The following GRHL2 variants were observed in gnomAD, a reference collection of about 807,000 sequenced individuals.
GRHL2 encodes the protein grainyhead-like protein 2 homolog.
In GRHL2, 21 loss-of-function variants were observed where a neutral mutation model predicts 83.8. The observed-to-expected ratio is 0.25, with a 90% CI of 0.18 to 0.36. GRHL2 has a LOEUF of 0.36. GRHL2 is among the 10% of genes least tolerant of loss of function. The pLI is 1.00. For missense variants in GRHL2, 623 were observed against 781.8 expected, an observed-to-expected ratio of 0.80 and a Z score of 2.42; for synonymous variants, 280 against 278.9, an observed-to-expected ratio of 1.00 and a Z score of -0.04.
chr8:101,509,925 C>T (rs182700012), intron 1 of GRHL2, among the ~76,000 whole-genome samples: 72 of 152,144 alleles, frequency 4.7e-4, no homozygotes, highest in Non-Finnish European at 6.8e-4. Context: ...CTCCATAAAA[C>T]CTATAAAGCA....
chr8:101,657,909 G>A (rs548165583), intron 14 of GRHL2, among the ~76,000 whole-genome samples: 6 of 152,020 alleles, frequency 3.9e-5, no homozygotes, highest in Admixed American at 2.6e-4. Context: ...ACCCTGTTCC[G>A]ACAGAACGAT....
intron 1 of GRHL2, among the ~76,000 whole-genome samples, chr8:101,515,355 T>C (rs1810552132): frequency 6.6e-6 from 1 of 152,152 alleles, no homozygotes; most frequent in Admixed American, 6.5e-5. Context: ...ATGTCTTTCT[T>C]CCCAGAGTCC....
intron 3 of GRHL2, among the ~76,000 whole-genome samples, chr8:101,558,023 C>T (rs1282815519): frequency 6.6e-6 from 1 of 152,154 alleles, no homozygotes; most frequent in Non-Finnish European, 1.5e-5. Context: ...CGCCACCACT[C>T]CTGGCTAATT....
At chr8:101,635,342 G>T (rs1370830569) in intron 11 of GRHL2, among the ~76,000 whole-genome samples, 1 of 152,086 alleles carries the variant, frequency 6.6e-6, no homozygotes, top group Non-Finnish European at 1.5e-5. Flanking sequence ...AAGAAATAGT[G>T]GGTCTTTATG....
chr8:101,507,370 T>G (rs1810361765), intron 1 of GRHL2, among the ~76,000 whole-genome samples: 1 of 152,206 alleles, frequency 6.6e-6, no homozygotes, highest in Non-Finnish European at 1.5e-5. Flanking sequence ...CATTAAATTT[T>G]TTTCTTTCAT....
chr8:101,552,722 G>A lies in GRHL2; in HGVS notation c.224G>A (p.Arg75Gln). ...GGTTGGTGATGTTTCCAGGTTCCTC[G>A]AGACAAGAGGCTGCTGTCTGTAAGC... The part of the protein sequence containing the change: ...GLLYDYYKVP[R>Q]DKRLLSVSKA... The change falls in exon 3 of 16, where the codon CGA (arginine) becomes CAA (glutamine). Residue 75 changes from arginine (R) to glutamine (Q), a missense_variant. Transcript: ENST00000646743. 1 of 1,614,062 alleles carries A rather than the reference G, an allele frequency of 6.2e-7. No homozygotes were observed. The highest frequency in any genetic ancestry group is 8.5e-7 in the Non-Finnish European group (1 of 1,179,982).
In GRHL2 at chr8:101,634,784, G is replaced by T. The variant is rs75879781; in HGVS notation, c.1486-2113G>T. ...TGGGTATTTCACTCTCAGGCCACCT[G>T]CCCCCCACCCCACTGATGATCTCAT... On this transcript the variant is annotated intron_variant, in intron 11 of 15. Transcript: ENST00000646743. Among the ~76,000 whole-genome samples, 421 of 152,174 alleles carry T rather than the reference G, an allele frequency of 2.8e-3. 14 individuals are homozygous for T. The East Asian group carries it at 0.071, about 26-fold the overall frequency.
At chr8:101,626,524 C>G (rs1002921110) in intron 9 of GRHL2, among the ~76,000 whole-genome samples, 1 of 151,828 alleles carries the variant, frequency 6.6e-6, no homozygotes, top group Non-Finnish European at 1.5e-5. Flanking sequence ...TGTGGAAATA[C>G]GGAGAAATAA....
At chr8:101,589,060 C>T (rs1392998217) in intron 7 of GRHL2, among the ~76,000 whole-genome samples, 2 of 152,144 alleles carry the variant, frequency 1.3e-5, no homozygotes, top group Admixed American at 6.5e-5. Context: ...TCTAATCCTA[C>T]GTGCCTATAA....
intron 8 of GRHL2, 151 bp from the exon 9 acceptor site, chr8:101,619,388 C>A: frequency 1.5e-6 from 1 of 670,350 alleles, no homozygotes; most frequent in South Asian, 1.7e-5. Context: ...GTTTTATGCT[C>A]AGCATGTTTT....
intron 1 of GRHL2, among the ~76,000 whole-genome samples, chr8:101,504,361 T>C (rs1810292021): frequency 6.6e-6 from 1 of 152,232 alleles, no homozygotes; most frequent in South Asian, 2.1e-4. Flanking sequence ...AAAGTAGGTG[T>C]ATAAGTTTCC....
chr8:101,618,780 C>G (rs556792330), intron 8 of GRHL2, among the ~76,000 whole-genome samples: 1 of 151,476 alleles, frequency 6.6e-6, no homozygotes, highest in African/African-American at 2.4e-5. Flanking sequence ...GGAACAAAGA[C>G]AGATATGTAA....
intron 4 of GRHL2, among the ~76,000 whole-genome samples, chr8:101,563,255 G>A (rs1811643355): frequency 6.6e-6 from 1 of 152,210 alleles, no homozygotes; most frequent in Admixed American, 6.5e-5. Context: ...TACACACTCA[G>A]AGAAGCCTGG....
chr8:101,558,300 C>A, intron 3 of GRHL2, 119 bp from the exon 4 acceptor site: 1 of 1,216,888 alleles, frequency 8.2e-7, no homozygotes, highest in Admixed American at 1.8e-5. Context: ...TTTGCCAGCC[C>A]CCTGTCCCTT....
At chr8:101,543,705 C>T (rs1811202537) in intron 2 of GRHL2, 1 of 462,546 alleles carries the variant, frequency 2.2e-6, no homozygotes, top group Non-Finnish European at 4.0e-6. Context: ...GCATATTATT[C>T]TTACCATATT....
At chr8:101,619,391 C>A in intron 8 of GRHL2, 148 bp from the exon 9 acceptor site, 1 of 677,688 alleles carries the variant, frequency 1.5e-6, no homozygotes, top group Non-Finnish European at 2.6e-6. Context: ...TTATGCTCAG[C>A]ATGTTTTTAT....
chr8:101,571,418 G>A (rs1811818210), intron 5 of GRHL2, among the ~76,000 whole-genome samples: 1 of 151,472 alleles, frequency 6.6e-6, no homozygotes, highest in African/African-American at 2.4e-5. Flanking sequence ...ACTTTGGGAG[G>A]CCGAGGTGGG....
At chr8:101,602,074 G>A (rs1402455496) in intron 8 of GRHL2, among the ~76,000 whole-genome samples, 1 of 152,178 alleles carries the variant, frequency 6.6e-6, no homozygotes, top group African/African-American at 2.4e-5. Context: ...AGAACATGAG[G>A]TGTTTGGTTT....
At chr8:101,634,024 C>T (rs945778480) in intron 11 of GRHL2, among the ~76,000 whole-genome samples, 6 of 152,178 alleles carry the variant, frequency 3.9e-5, no homozygotes, top group African/African-American at 1.4e-4. Flanking sequence ...ACCTCTCCTG[C>T]CCCCGGGTGT....
Sources: gnomAD v4.1 joint callset for allele counts (sites outside exome capture counted in the v4.1 genomes callset) on GRCh38, gnomAD v4.1.1 for gene constraint, MANE v1.5 for transcripts, NCBI Gene and HGNC (gene_info 2026-07-23, HGNC 2026-07-21) for gene names.